The following EIF2AK3 variants were observed in gnomAD, a reference collection of about 807,000 sequenced individuals.
EIF2AK3 encodes the protein eukaryotic translation initiation factor 2-alpha kinase 3.
In EIF2AK3, 50 loss-of-function variants were observed where a neutral mutation model predicts 113.5. That is an observed-to-expected ratio of 0.44 (90% CI 0.35 to 0.56). The LOEUF is 0.56. Ranked by LOEUF, EIF2AK3 falls within the 20% of genes least tolerant of loss-of-function variation. The probability of loss-of-function intolerance (pLI) is 0.00; values close to 1 mark genes in which losing one functional copy is unlikely to be tolerated. For missense variants in EIF2AK3, 1,185 were observed against 1,378.0 expected (o/e 0.86, Z 2.22); for synonymous variants, 448 against 495.4 (o/e 0.90, Z 1.27).
rs1415375926 is a variant in EIF2AK3, at chr2:88,576,612, C to T, written c.1978G>A (p.Glu660Lys). Residue 660 changes from glutamate to lysine, a missense_variant, in exon 12 of 17, where the codon GAA becomes AAA. Physicochemically the swap from Glu to Lys is moderately conservative, Grantham distance 56. Coordinates refer to ENST00000303236, the MANE Select transcript of EIF2AK3 (RefSeq NM_004836.7). The part of the protein sequence containing the change: ...GIVRYFNAWL[E>K]APPEKWQEKM... ...TCTTGCCACTTCTCTGGTGGTGCTT[C>T]GAGCCAGGCATTGAAATATCTAACA... 2 of 1,614,124 alleles carry T rather than the reference C, an allele frequency of 1.2e-6. No individual in the cohort carries two copies. Among genetic ancestry groups the T allele is most frequent in the Non-Finnish European group, 1.7e-6 (2 of 1,180,026 alleles).
chr2:88,592,476 T>C (rs1434339525), intron 4 of EIF2AK3, among the ~76,000 whole-genome samples: 5 of 152,088 alleles, frequency 3.3e-5, no homozygotes, highest in Non-Finnish European at 7.4e-5. Flanking sequence ...ATAAAAAATA[T>C]CATTAGGCCA....
At chr2:88,590,309 C>T in intron 6 of EIF2AK3, 134 bp downstream of exon 6, 1 of 903,194 alleles carries the variant, frequency 1.1e-6, no homozygotes, top group Non-Finnish European at 1.7e-6. Flanking sequence ...GTATAAATCT[C>T]AAGGGCAACG....
intron 4 of EIF2AK3, among the ~76,000 whole-genome samples, chr2:88,592,788 A>C (rs1255760733): frequency 6.6e-6 from 1 of 151,780 alleles, no homozygotes; most frequent in Non-Finnish European, 1.5e-5. Flanking sequence ...AAAATCATTA[A>C]CCTGAGACTA....
At chr2:88,585,475 AG>A (rs1427453523) in intron 9 of EIF2AK3, among the ~76,000 whole-genome samples, 1 of 152,104 alleles carries the variant, frequency 6.6e-6, no homozygotes, top group Non-Finnish European at 1.5e-5. Context: ...AGACCATCTA[AG>A]GAGAGTTTGT....
chr2:88,564,766 T>A (rs899418422), intron 14 of EIF2AK3, among the ~76,000 whole-genome samples: 2 of 152,174 alleles, frequency 1.3e-5, no homozygotes, highest in African/African-American at 4.8e-5. Flanking sequence ...ACTGATAGTT[T>A]ATATTTCACA....
chr2:88,592,059 C>G (rs200916689), intron 4 of EIF2AK3, among the ~76,000 whole-genome samples: 2 of 151,942 alleles, frequency 1.3e-5, no homozygotes, highest in Non-Finnish European at 1.5e-5. Flanking sequence ...AGACAAAACC[C>G]GAAAGTCTGG....
At chr2:88,570,438 C>T (rs557682018) in intron 14 of EIF2AK3, among the ~76,000 whole-genome samples, 3 of 152,342 alleles carry the variant, frequency 2.0e-5, no homozygotes, top group East Asian at 3.9e-4. Context: ...CACCTGCCGG[C>T]CTGTGTGCCT....
intron 8 of EIF2AK3, 43 bp downstream of exon 8, chr2:88,587,939 A>C: frequency 1.5e-6 from 2 of 1,339,312 alleles, no homozygotes; most frequent in Non-Finnish European, 2.1e-6. Context: ...TATTAATTTC[A>C]AATTAAAAAA....
At chr2:88,614,644 A>T (rs1054800237) in intron 1 of EIF2AK3, among the ~76,000 whole-genome samples, 4 of 152,130 alleles carry the variant, frequency 2.6e-5, no homozygotes, top group Admixed American at 2.6e-4. Context: ...TGACTCCAAG[A>T]AACTTCTGAC....
chr2:88,596,186 C>A (rs1176592175), intron 2 of EIF2AK3, among the ~76,000 whole-genome samples: 1 of 152,154 alleles, frequency 6.6e-6, no homozygotes, highest in African/African-American at 2.4e-5. Context: ...TTTAGAGATA[C>A]TGATTCAAGT....
Position 88,583,520 on chromosome 2 carries a change from T to C in EIF2AK3, c.1673A>G (p.Gln558Arg), listed in dbSNP as rs1307924363. ...ATCATATTTATTTTCAGTTTGACAC[T>C]GAGTTTCAGACTCCTTCCTTTGCTG... ...PHRQRKESETQCQTENKYDSV... is the reference protein window; with the variant it reads ...PHRQRKESETRCQTENKYDSV... Residue 558 changes from glutamine to arginine, a missense_variant, in exon 10 of 17, where the codon CAG (glutamine) becomes CGG (arginine). Gln to Arg is a conservative substitution (Grantham distance 43). Transcript: ENST00000303236. 1 of 1,612,946 alleles carries C rather than the reference T, an allele frequency of 6.2e-7. No homozygotes were observed. The highest frequency in any genetic ancestry group is 1.3e-5 in the African/African-American group (1 of 74,906).
At chr2:88,574,203 A>G (rs938647406) in intron 13 of EIF2AK3, among the ~76,000 whole-genome samples, 2 of 152,180 alleles carry the variant, frequency 1.3e-5, no homozygotes, top group Admixed American at 6.5e-5. Flanking sequence ...CCCCAATTCA[A>G]GCTGGCTAAT....
chr2:88,558,616 A>G (rs946694756), intron 16 of EIF2AK3, among the ~76,000 whole-genome samples: 4 of 152,318 alleles, frequency 2.6e-5, no homozygotes, highest in African/African-American at 7.2e-5. Flanking sequence ...ACTTTTTCCA[A>G]TTTGAAAATG....
chr2:88,616,505 C>A (rs1054348996), intron 1 of EIF2AK3, among the ~76,000 whole-genome samples: 1 of 152,170 alleles, frequency 6.6e-6, no homozygotes, highest in Non-Finnish European at 1.5e-5. Flanking sequence ...CGGCTCACTG[C>A]AACCTCCGCC....
intron 11 of EIF2AK3, among the ~76,000 whole-genome samples, chr2:88,576,955 A>G (rs529984411): frequency 6.6e-6 from 1 of 152,266 alleles, no homozygotes; most frequent in East Asian, 1.9e-4. Flanking sequence ...TTGAAACTAA[A>G]ATTAGAAACA....
chr2:88,590,031 T>A (rs750039526), intron 6 of EIF2AK3, among the ~76,000 whole-genome samples: 2 of 151,968 alleles, frequency 1.3e-5, no homozygotes, highest in African/African-American at 2.4e-5. Flanking sequence ...TGAGGTCAGG[T>A]GCACTATATT....
At chr2:88,599,041 C>A (rs909277187) in intron 2 of EIF2AK3, among the ~76,000 whole-genome samples, 2 of 151,492 alleles carry the variant, frequency 1.3e-5, no homozygotes, top group African/African-American at 4.9e-5. Flanking sequence ...TTTTTGGTAC[C>A]ACGTTTATTG....
At chr2:88,609,061 C>G (rs1218905537) in intron 2 of EIF2AK3, among the ~76,000 whole-genome samples, 1 of 151,248 alleles carries the variant, frequency 6.6e-6, no homozygotes, top group Non-Finnish European at 1.5e-5. Context: ...GTGTTTTGTC[C>G]AACTTTTTTT....
chr2:88,557,985 T>G (rs772812948), intron 16 of EIF2AK3, 49 bp from the exon 17 acceptor site: 1 of 1,569,422 alleles, frequency 6.4e-7, no homozygotes, highest in Non-Finnish European at 8.8e-7. Context: ...GTTTGATCAC[T>G]GTACAGTTTT....
Sources: allele counts gnomAD v4.1 joint callset (sites outside exome capture counted in the v4.1 genomes callset), GRCh38; gene constraint gnomAD v4.1.1; transcripts MANE v1.5; gene names NCBI Gene and HGNC (gene_info 2026-07-23, HGNC 2026-07-21).